SDCCAG8: variants seen among roughly 807,000 people sequenced by gnomAD.
SDCCAG8 encodes the protein serologically defined colon cancer antigen 8.
Under a neutral mutation model 101.8 loss-of-function variants are expected in SDCCAG8, and 74 were observed. The observed-to-expected ratio is 0.73, with a 90% CI of 0.60 to 0.88. The LOEUF is 0.88. SDCCAG8 is among the 40% of genes least tolerant of loss of function. The probability of loss-of-function intolerance (pLI) is 0.00; values close to 1 mark genes in which losing one functional copy is unlikely to be tolerated. For missense variants in SDCCAG8, 787 were observed against 822.6 expected (o/e 0.96, Z 0.53); for synonymous variants, 281 against 292.9 (o/e 0.96, Z 0.41).
At chr1:243,498,554 A>G (rs1668641384) in intron 17 of SDCCAG8, among the ~76,000 whole-genome samples, 1 of 152,250 alleles carries the variant, frequency 6.6e-6, no homozygotes, top group East Asian at 1.9e-4. Context: ...CACTACTCAC[A>G]GACCTGTTCA....
chr1:243,270,033 C>T, intron 1 of SDCCAG8, 72 bp from the exon 2 acceptor site: 1 of 1,606,828 alleles, frequency 6.2e-7, no homozygotes, highest in South Asian at 1.1e-5. Flanking sequence ...TTAAAAACTG[C>T]CTTCCTGAGT....
chr1:243,343,274 A>G (rs987873940), intron 11 of SDCCAG8, among the ~76,000 whole-genome samples: 2 of 152,248 alleles, frequency 1.3e-5, no homozygotes, highest in Admixed American at 6.5e-5. Context: ...ATAATATATT[A>G]AGAGCCATAT....
chr1:243,481,902 G>C (rs1378859669), intron 16 of SDCCAG8, among the ~76,000 whole-genome samples: 3 of 152,202 alleles, frequency 2.0e-5, no homozygotes, highest in Non-Finnish European at 4.4e-5. Flanking sequence ...AAACATACAC[G>C]CATAAGGATA....
chr1:243,371,714 C>T (rs2077301966), intron 12 of SDCCAG8, among the ~76,000 whole-genome samples: 1 of 152,086 alleles, frequency 6.6e-6, no homozygotes, highest in Non-Finnish European at 1.5e-5. Context: ...CTTTTGTTCA[C>T]ATAGGCTGGT....
chr1:243,355,314 TTCTCTC>T (rs10579765), intron 12 of SDCCAG8, among the ~76,000 whole-genome samples: 2,767 of 147,336 alleles, frequency 0.019, 69 homozygotes, highest in African/African-American at 0.061. Flanking sequence ...TCCTGATACC[TTCTCTC>T]TCTCTCTCTC....
At chr1:243,370,111 T>C (rs1161770221) in intron 12 of SDCCAG8, among the ~76,000 whole-genome samples, 1 of 152,088 alleles carries the variant, frequency 6.6e-6, no homozygotes, top group African/African-American at 2.4e-5. Context: ...ATTTCAGATT[T>C]TTCCCTCATC....
chr1:243,274,745 A>G, intron 4 of SDCCAG8, 89 bp downstream of exon 4: 1 of 776,052 alleles, frequency 1.3e-6, no homozygotes. Flanking sequence ...ATAAATCTTC[A>G]TGTTTGTAGC....
intron 2 of SDCCAG8, 41 bp from the exon 3 acceptor site, chr1:243,270,937 T>C (rs2068031887): frequency 2.1e-6 from 3 of 1,429,660 alleles, no homozygotes; most frequent in Non-Finnish European, 3.0e-6. Flanking sequence ...AAACCATGGA[T>C]CTCAAATAAG....
chr1:243,415,814 C>G lies in SDCCAG8; in HGVS notation c.1729C>G (p.Gln577Glu), dbSNP rs749719225. 2.5e-6 allele frequency: 4 copies of G among 1,613,480 alleles called. No individual in the cohort carries two copies. The South Asian group carries it at 4.4e-5, about 18-fold the overall frequency. ...LTQKIQQMEA[Q>E]HDKTENEQYL... Reference sequence around the variant, plus strand: ...ACAGAAGATACAGCAAATGGAGGCCCAGCATGACAAAACTGGTAGGTGGTA... The same window carrying G: ...ACAGAAGATACAGCAAATGGAGGCCGAGCATGACAAAACTGGTAGGTGGTA... The change falls in exon 14 of 18, where the codon CAG becomes GAG. Residue 577 changes from glutamine (Q) to glutamate (E), a missense_variant. Physicochemically the swap from Gln to Glu is conservative, Grantham distance 29. Transcript: ENST00000366541.
chr1:243,417,660 T>C (rs2080686915), intron 14 of SDCCAG8, among the ~76,000 whole-genome samples: 1 of 152,242 alleles, frequency 6.6e-6, no homozygotes, highest in African/African-American at 2.4e-5. Context: ...ATATCTTGCA[T>C]ATTGCAAAGA....
chr1:243,300,272 T>G (rs527502303), intron 6 of SDCCAG8, among the ~76,000 whole-genome samples: 2 of 152,202 alleles, frequency 1.3e-5, no homozygotes, highest in Non-Finnish European at 2.9e-5. Context: ...AGGATTATTT[T>G]TAGTGTATTT....
At chr1:243,472,951 G>A (rs1432231856) in intron 16 of SDCCAG8, among the ~76,000 whole-genome samples, 2 of 152,134 alleles carry the variant, frequency 1.3e-5, no homozygotes, top group African/African-American at 4.8e-5. Flanking sequence ...TTTCTCCTGT[G>A]TCAATTCTTT....
Position 243,357,459 on chromosome 1 carries a change from G to A in SDCCAG8, c.1473+13128G>A, listed in dbSNP as rs115432579. Among the ~76,000 whole-genome samples, 655 of 152,276 alleles carry A rather than the reference G, an allele frequency of 4.3e-3. 4 individuals are homozygous for A. Among genetic ancestry groups the A allele is most frequent in the African/African-American group, 0.012 (514 of 41,562 alleles). On this transcript the variant is annotated intron_variant, in intron 12 of 17. Coordinates refer to ENST00000366541, the MANE Select transcript of SDCCAG8 (RefSeq NM_006642.5). ...CAATGGCCACATATAAAGGATGGAA[G>A]GAAAGGCTTCAGATAATAAAGAGCA...
intron 16 of SDCCAG8, among the ~76,000 whole-genome samples, chr1:243,471,468 T>C (rs959848572): frequency 6.6e-6 from 1 of 152,192 alleles, no homozygotes; most frequent in Non-Finnish European, 1.5e-5. Flanking sequence ...CTCTACTCTG[T>C]CCCTAATCTG....
intron 1 of SDCCAG8, among the ~76,000 whole-genome samples, chr1:243,259,836 CA>C (rs1431047160): frequency 6.6e-6 from 1 of 151,808 alleles, no homozygotes; most frequent in Admixed American, 6.6e-5. Context: ...ATCCTATCTC[CA>C]AAACAAACAA....
chr1:243,419,720 G>T (rs559583328), intron 15 of SDCCAG8, among the ~76,000 whole-genome samples: 8 of 152,266 alleles, frequency 5.3e-5, no homozygotes, highest in Non-Finnish European at 1.0e-4. Flanking sequence ...CTTTCTTATG[G>T]TAATTACAGT....
chr1:243,267,635 T>G, intron 1 of SDCCAG8: 1 of 700,572 alleles, frequency 1.4e-6, no homozygotes, highest in Non-Finnish European at 2.6e-6. Flanking sequence ...CGGTCAACTG[T>G]GGGCACAATG....
rs536032749 is a variant in SDCCAG8 at position 243,415,964 on chromosome 1, C to T, written c.1744+135C>T. 336 of 994,552 alleles carry T rather than the reference C, an allele frequency of 3.4e-4. 6 individuals are homozygous for T. In the South Asian group the frequency reaches 5.3e-3, roughly 16 times the overall value. The allele number at this position is 994,552 out of a possible 1,614,324, so 61.6% of individuals were successfully genotyped here. On this transcript the variant is annotated intron_variant, in intron 14 of 17. Coordinates refer to ENST00000366541, the MANE Select transcript of SDCCAG8 (RefSeq NM_006642.5). ...GCAGATGCTAACTACACCGGAGATT[C>T]CGAATTACATATTAGTTAGCGTTTA...
intron 17 of SDCCAG8, among the ~76,000 whole-genome samples, chr1:243,497,363 C>T (rs190122708): frequency 3.5e-5 from 5 of 143,340 alleles, no homozygotes; most frequent in South Asian, 2.2e-4. Flanking sequence ...GAGCAGTGAA[C>T]GGTAAGTTCA....
Sources: gnomAD v4.1 joint callset for allele counts (sites outside exome capture counted in the v4.1 genomes callset) on GRCh38, gnomAD v4.1.1 for gene constraint, MANE v1.5 for transcripts, NCBI Gene and HGNC (gene_info 2026-07-23, HGNC 2026-07-21) for gene names.